The following XKR6 variants were observed in gnomAD, a reference collection of about 807,000 sequenced individuals.
XKR6 encodes XK-related protein 6.
A neutral mutation model predicts 56.7 loss-of-function variants in XKR6; 22 were observed. The observed-to-expected ratio is 0.39, with a 90% CI of 0.28 to 0.55. XKR6 has a LOEUF of 0.55. Ranked by LOEUF, XKR6 falls within the 20% of genes least tolerant of loss-of-function variation. The pLI is 0.66. For synonymous variants in XKR6, 524 were observed against 387.8 expected, an observed-to-expected ratio of 1.35 and a Z score of -4.13; for missense variants, 852 against 889.0, an observed-to-expected ratio of 0.96 and a Z score of 0.53.
rs1804226986 is a variant in XKR6 at position 11,201,358 on chromosome 8, T to A, written c.-19A>T. 3.3e-6 allele frequency: 2 copies of A among 608,604 alleles called. No homozygotes were observed. The highest frequency in any genetic ancestry group is 4.8e-6 in the Non-Finnish European group (2 of 416,046). 37.7% of individuals were successfully genotyped at this position (608,604 alleles called of 1,614,324 possible). A position where few individuals can be genotyped will look rare whatever the true frequency, so the allele number is the denominator to read the frequency against. ...CCGCCATCTTGACTCTCTTCCCAGC[T>A]CCGGAGGTTGGGGGGGAGGGACGGC... On this transcript the variant is annotated 5_prime_UTR_variant, in exon 1 of 3. Transcript: ENST00000416569.
At chr8:10,921,937 T>C (rs1800735248) in intron 2 of XKR6, among the ~76,000 whole-genome samples, 1 of 152,204 alleles carries the variant, frequency 6.6e-6, no homozygotes, top group African/African-American at 2.4e-5. Flanking sequence ...TGAGAGGTGA[T>C]CAGGCCATAA....
At chr8:11,105,192 C>G (rs1798629945) in intron 1 of XKR6, 1 of 152,116 alleles carries the variant, frequency 6.6e-6, no homozygotes, top group Admixed American at 6.5e-5. Context: ...CAAGAAATAG[C>G]AGCTCTCATC....
chr8:11,138,868 C>T (rs542219322), intron 1 of XKR6, among the ~76,000 whole-genome samples: 1 of 151,910 alleles, frequency 6.6e-6, no homozygotes, highest in East Asian at 1.9e-4. Flanking sequence ...AACTTATGTT[C>T]CAAAGCCAGA....
intron 1 of XKR6, among the ~76,000 whole-genome samples, chr8:10,961,378 A>C (rs961188549): frequency 6.6e-6 from 1 of 152,156 alleles, no homozygotes; most frequent in African/African-American, 2.4e-5. Flanking sequence ...GTCCAGAGAC[A>C]CTGACAACGC....
chr8:10,898,274 C>T lies in XKR6; in HGVS notation c.1604G>A (p.Gly535Glu), dbSNP rs1397823627. ...DVEPMAPEIP[G>E]YRGTQVTPTR... ...GGGCGTAACCTGGGTCCCCCGGTACCCAGGGATCTCAGGCGCCATGGGCTC... is the reference window on the plus strand; with the variant it reads ...GGGCGTAACCTGGGTCCCCCGGTACTCAGGGATCTCAGGCGCCATGGGCTC... The change falls in exon 3 of 3, where the codon GGG becomes GAG. Residue 535 changes from glycine (G) to glutamate (E), a missense_variant. Coordinates refer to ENST00000416569, the MANE Select transcript of XKR6 (RefSeq NM_173683.4). The surrounding 1 kb of genome is among the most constrained non-coding windows in gnomAD (Gnocchi z 6.6). The T allele has an allele frequency of 1.2e-6, 2 of 1,613,958 alleles. No individual in the cohort carries two copies. Among genetic ancestry groups the T allele is most frequent in the Non-Finnish European group, 1.7e-6 (2 of 1,180,004 alleles).
At chr8:11,046,629 C>G (rs761274689) in intron 1 of XKR6, among the ~76,000 whole-genome samples, 11 of 152,138 alleles carry the variant, frequency 7.2e-5, no homozygotes, top group Non-Finnish European at 1.3e-4. Flanking sequence ...GAAATTCTGA[C>G]ACATGCTACA....
At chr8:11,073,893 CA>C (rs1800198167) in intron 1 of XKR6, among the ~76,000 whole-genome samples, 1 of 152,174 alleles carries the variant, frequency 6.6e-6, no homozygotes, top group African/African-American at 2.4e-5. Context: ...CTTCCCTACC[CA>C]CTCAGTGGGC....
intron 1 of XKR6, among the ~76,000 whole-genome samples, chr8:11,160,392 A>G (rs190570419): frequency 2.3e-4 from 34 of 148,162 alleles, no homozygotes; most frequent in South Asian, 1.5e-3. Context: ...CTTTATGGGG[A>G]AAAAAAAAAG....
At chr8:10,964,425 G>A (rs576151480) in intron 1 of XKR6, among the ~76,000 whole-genome samples, 4 of 152,256 alleles carry the variant, frequency 2.6e-5, no homozygotes, top group African/African-American at 9.6e-5. Context: ...CACAAGTGAC[G>A]TTCCTCAGTG....
intron 1 of XKR6, among the ~76,000 whole-genome samples, chr8:10,956,239 C>T (rs560154177): frequency 7.9e-5 from 12 of 152,308 alleles, no homozygotes; most frequent in Admixed American, 2.6e-4. Flanking sequence ...AGTGAATTTG[C>T]GGAGCCTTCC....
chr8:11,124,147 T>C, intron 1 of XKR6: 1 of 378,730 alleles, frequency 2.6e-6, no homozygotes, highest in Middle Eastern at 3.8e-4. Flanking sequence ...TCTAATTTAC[T>C]GGCATTTACA....
chr8:11,091,516 G>T (rs977622952), intron 1 of XKR6, among the ~76,000 whole-genome samples: 19 of 152,190 alleles, frequency 1.2e-4, no homozygotes, highest in African/African-American at 3.4e-4. Flanking sequence ...AAGAGGAATT[G>T]ACTGATGACT....
chr8:11,053,626 A>G (rs929581637), intron 1 of XKR6, among the ~76,000 whole-genome samples: 1 of 152,204 alleles, frequency 6.6e-6, no homozygotes, highest in African/African-American at 2.4e-5. Flanking sequence ...GACTGGCAGT[A>G]CTAGAATTTA....
intron 2 of XKR6, among the ~76,000 whole-genome samples, chr8:10,914,886 C>A (rs1224257545): frequency 1.3e-5 from 2 of 152,218 alleles, no homozygotes; most frequent in East Asian, 3.9e-4. Context: ...ACTGGGAGCC[C>A]TCCCTTTGCT....
chr8:11,052,689 T>A (rs1799581982), intron 1 of XKR6, among the ~76,000 whole-genome samples: 1 of 151,802 alleles, frequency 6.6e-6, no homozygotes, highest in Non-Finnish European at 1.5e-5. Context: ...AAAGCTGGTG[T>A]CCTCTCCTCT....
chr8:10,909,336 C>T (rs1449439822), intron 2 of XKR6, among the ~76,000 whole-genome samples: 2 of 152,160 alleles, frequency 1.3e-5, no homozygotes, highest in East Asian at 1.9e-4. Flanking sequence ...TCATAAATTA[C>T]CCAGTCTGTT....
At chr8:11,006,376 C>T (rs938019536) in intron 1 of XKR6, among the ~76,000 whole-genome samples, 1 of 152,238 alleles carries the variant, frequency 6.6e-6, no homozygotes, top group Non-Finnish European at 1.5e-5. Flanking sequence ...CAGTGTGCTG[C>T]CCCTATGGTC....
At chr8:11,008,904 C>T (rs1395902590) in intron 1 of XKR6, among the ~76,000 whole-genome samples, 1 of 152,140 alleles carries the variant, frequency 6.6e-6, no homozygotes, top group Non-Finnish European at 1.5e-5. Flanking sequence ...GTCCCATCAC[C>T]CTCTACCAAG....
At chr8:11,117,100 C>T (rs1349937352) in intron 1 of XKR6, among the ~76,000 whole-genome samples, 2 of 152,146 alleles carry the variant, frequency 1.3e-5, no homozygotes, top group East Asian at 3.9e-4. Flanking sequence ...TCTATAAAAA[C>T]AAATGCTATT....
Sources: gnomAD v4.1 joint callset for allele counts (sites outside exome capture counted in the v4.1 genomes callset) on GRCh38, gnomAD v4.1.1 for gene constraint, Gnocchi (gnomAD v3.1) non-coding constraint, MANE v1.5 for transcripts, NCBI Gene and HGNC (gene_info 2026-07-23, HGNC 2026-07-21) for gene names.